PDS5B: variants seen among roughly 807,000 people sequenced by gnomAD.
PDS5B encodes sister chromatid cohesion protein PDS5 homolog B.
In PDS5B, 51 loss-of-function variants were observed where a neutral mutation model predicts 184.1. The observed-to-expected ratio is 0.28, with a 90% confidence interval of 0.22 to 0.35. PDS5B has a LOEUF of 0.35. Among genes scored for constraint, PDS5B ranks in the 10% least tolerant of loss-of-function variants. The pLI is 1.00. For missense variants in PDS5B, 1,180 were observed against 1,723.3 expected, an observed-to-expected ratio of 0.68 and a Z score of 5.58; for synonymous variants, 566 against 569.2, an observed-to-expected ratio of 0.99 and a Z score of 0.08.
chr13:32,775,739 G>GA lies in PDS5B; in HGVS notation c.*689dup. On this transcript the variant is annotated 3_prime_UTR_variant, in exon 35 of 35. Coordinates refer to ENST00000315596, the MANE Select transcript of PDS5B (RefSeq NM_015032.4). Reference sequence around the variant, plus strand: ...TACACCTCAGTATTGATTTGTCCCAGAATTTTCTGGCCTTTCATGGCAATG... The same window carrying GA: ...TACACCTCAGTATTGATTTGTCCCAGAAATTTTCTGGCCTTTCATGGCAATG... The GA allele has an allele frequency of 2.4e-6, 1 of 424,500 alleles. No homozygotes were observed. The highest frequency in any genetic ancestry group is 4.7e-6 in the Non-Finnish European group (1 of 214,624). 26.3% of individuals were successfully genotyped at this position (424,500 alleles called of 1,614,324 possible).
Position 32,758,135 on chromosome 13 carries a change from C to A in PDS5B, c.3105C>A (p.Asn1035Lys). 2 of 1,509,256 alleles carry A rather than the reference C, an allele frequency of 1.3e-6. No individual in the cohort carries two copies. Among genetic ancestry groups the A allele is most frequent in the Non-Finnish European group, 1.8e-6 (2 of 1,110,352 alleles). 93.5% of individuals were successfully genotyped at this position (1,509,256 alleles called of 1,614,324 possible). A position where few individuals can be genotyped will look rare whatever the true frequency, so the allele number is the denominator to read the frequency against. ...TATTAATGGCTAAAAATGAAAATAA[C>A]AGTCACGCTTTTATCAGAAAGATGG... is the stretch of plus-strand genomic sequence containing the variant. Reference protein sequence around the residue: ...LEILMAKNENNSHAFIRKMVE... With the variant: ...LEILMAKNENKSHAFIRKMVE... The change falls in exon 27 of 35, where the codon AAC becomes AAA. Residue 1035 changes from asparagine (N) to lysine (K), a missense_variant. Transcript: ENST00000315596.
chr13:32,707,685 C>T (rs1952070281), intron 18 of PDS5B, among the ~76,000 whole-genome samples: 2 of 138,014 alleles, frequency 1.4e-5, no homozygotes, highest in African/African-American at 6.0e-5. Flanking sequence ...ACATTACTTG[C>T]CTCATTTCCT....
At chr13:32,699,519 C>T (rs1254238786) in intron 15 of PDS5B, among the ~76,000 whole-genome samples, 1 of 152,006 alleles carries the variant, frequency 6.6e-6, no homozygotes, top group African/African-American at 2.4e-5. Flanking sequence ...CATATATGTC[C>T]CTTCACAATG....
At chr13:32,716,702 T>A (rs71423119) in intron 19 of PDS5B, among the ~76,000 whole-genome samples, 1,689 of 101,574 alleles carry the variant, frequency 0.017, 177 homozygotes, top group Non-Finnish European at 0.023. Context: ...GCTGCCCCGT[T>A]TGGGAGGTGA....
intron 31 of PDS5B, among the ~76,000 whole-genome samples, chr13:32,764,841 T>C (rs1954534208): frequency 6.6e-6 from 1 of 152,160 alleles, no homozygotes; most frequent in Non-Finnish European, 1.5e-5. Flanking sequence ...GCCAGTTGCA[T>C]ACTCAACTGC....
intron 1 of PDS5B, among the ~76,000 whole-genome samples, chr13:32,601,497 G>T (rs1482519907): frequency 6.6e-6 from 1 of 152,192 alleles, no homozygotes; most frequent in Admixed American, 6.5e-5. Context: ...TATTTCTACT[G>T]TTGTCTCTTT....
intron 24 of PDS5B, among the ~76,000 whole-genome samples, chr13:32,750,888 T>TGTGTGTGTGTGTG (rs1566408847): frequency 6.7e-5 from 10 of 149,188 alleles, no homozygotes; most frequent in African/African-American, 1.5e-4. Flanking sequence ...TGTGTGTGTG[T>TGTGTGTGTGTGTG]TTTAAACTTT....
In PDS5B at chr13:32,775,536, C is replaced by A; in HGVS notation, c.*484C>A. On this transcript the variant is annotated 3_prime_UTR_variant, in exon 35 of 35. Transcript: ENST00000315596. ...ACAATTGGTGTCATTTTCTTGATGT[C>A]ACTATTTGTTGGAGAGTTAAATGGT... The A allele has an allele frequency of 2.7e-6, 1 of 369,704 alleles. No individual in the cohort carries two copies. The highest frequency in any genetic ancestry group is 5.4e-6 in the Non-Finnish European group (1 of 186,550). The allele number at this position is 369,704 out of a possible 1,614,324, so 22.9% of individuals were successfully genotyped here. A position where few individuals can be genotyped will look rare whatever the true frequency, so the allele number is the denominator to read the frequency against.
chr13:32,714,830 T>C (rs1250557731), intron 19 of PDS5B, among the ~76,000 whole-genome samples: 1 of 152,144 alleles, frequency 6.6e-6, no homozygotes, highest in Non-Finnish European at 1.5e-5. Flanking sequence ...AACACAATTA[T>C]CACATGGTCC....
intron 34 of PDS5B, 60 bp downstream of exon 34, chr13:32,773,384 G>A (rs1566436364): frequency 7.1e-7 from 1 of 1,410,098 alleles, no homozygotes; most frequent in Non-Finnish European, 9.7e-7. Context: ...TAAATGTTTG[G>A]TTAGATCATT....
intron 15 of PDS5B, among the ~76,000 whole-genome samples, chr13:32,698,452 T>C (rs1475450930): frequency 6.6e-6 from 1 of 152,248 alleles, no homozygotes; most frequent in Non-Finnish European, 1.5e-5. Context: ...GTGCTTATTA[T>C]GTAAACTTAT....
chr13:32,615,409 G>A (rs1335970020), intron 1 of PDS5B, among the ~76,000 whole-genome samples: 1 of 152,034 alleles, frequency 6.6e-6, no homozygotes, highest in Non-Finnish European at 1.5e-5. Context: ...AATTTTGATA[G>A]AGTGATTAGG....
chr13:32,625,755 C>T (rs1489499544), intron 1 of PDS5B, among the ~76,000 whole-genome samples: 1 of 149,254 alleles, frequency 6.7e-6, no homozygotes, highest in Middle Eastern at 3.5e-3. Flanking sequence ...TATTTATATA[C>T]TGGGTTGTGT....
intron 1 of PDS5B, among the ~76,000 whole-genome samples, chr13:32,643,453 G>C (rs1056520587): frequency 2.6e-5 from 4 of 152,114 alleles, no homozygotes; most frequent in Admixed American, 1.3e-4. Flanking sequence ...ACTTAGATAT[G>C]AAAGTGTCTT....
chr13:32,690,821 ATGGT>A (rs1951527129), intron 13 of PDS5B: 1 of 152,130 alleles, frequency 6.6e-6, no homozygotes, highest in African/African-American at 2.4e-5. Context: ...TTCTACAAAA[ATGGT>A]TGGTGAATGA....
chr13:32,716,993 C>A (rs1952465404), intron 19 of PDS5B, among the ~76,000 whole-genome samples: 1 of 131,062 alleles, frequency 7.6e-6, no homozygotes, highest in Non-Finnish European at 1.7e-5. Flanking sequence ...CCCGCCCGGC[C>A]AGCTGCCCCG....
At chr13:32,613,148 G>A (rs1040001521) in intron 1 of PDS5B, among the ~76,000 whole-genome samples, 1 of 152,094 alleles carries the variant, frequency 6.6e-6, no homozygotes, top group African/African-American at 2.4e-5. Context: ...AGTTTGATGA[G>A]CATTTGGGTT....
chr13:32,637,759 T>G (rs1021207448), intron 1 of PDS5B, among the ~76,000 whole-genome samples: 2 of 152,126 alleles, frequency 1.3e-5, no homozygotes, highest in South Asian at 4.1e-4. Context: ...AAATAATGTT[T>G]CAAGGAGGAG....
intron 7 of PDS5B, among the ~76,000 whole-genome samples, chr13:32,671,657 G>T (rs1257109874): frequency 6.6e-6 from 1 of 152,154 alleles, no homozygotes; most frequent in African/African-American, 2.4e-5. Flanking sequence ...TCATGGCTAG[G>T]TAGTCTGGTC....
Sources: gnomAD v4.1 joint callset for allele counts (sites outside exome capture counted in the v4.1 genomes callset) on GRCh38, gnomAD v4.1.1 for gene constraint, MANE v1.5 for transcripts, NCBI Gene and HGNC (gene_info 2026-07-23, HGNC 2026-07-21) for gene names.